Variants in SNX29 observed in about 807,000 individuals in gnomAD.
The protein encoded by SNX29 is sorting nexin-29.
A neutral mutation model predicts 102.1 loss-of-function variants in SNX29; 78 were observed. The ratio of observed to expected loss-of-function variants is 0.76; its 90% confidence interval spans 0.64 to 0.92. The LOEUF (loss-of-function observed/expected upper bound fraction) is 0.92. Ranked by LOEUF, SNX29 falls within the 40% of genes least tolerant of loss-of-function variation. SNX29 has a pLI of 0.00. For synonymous variants in SNX29, 580 were observed against 414.5 expected (o/e 1.40, Z -4.85); for missense variants, 1,280 against 1,061.7 (o/e 1.21, Z -2.86).
intron 11 of SNX29, among the ~76,000 whole-genome samples, chr16:12,118,319 T>TTTTTTTG (rs2053824931): frequency 7.5e-6 from 1 of 133,658 alleles, no homozygotes; most frequent in Non-Finnish European, 1.6e-5. Context: ...CCACCTTTTT[T>TTTTTTTG]TTTTTTTTTT....
chr16:12,554,815 C>T (rs144188162), intron 20 of SNX29, among the ~76,000 whole-genome samples: 11 of 152,292 alleles, frequency 7.2e-5, no homozygotes, highest in African/African-American at 2.4e-4. Context: ...TTGTATTGAG[C>T]ACCTGCTCTG....
At chr16:12,006,534 A>G (rs534973951) in intron 3 of SNX29, among the ~76,000 whole-genome samples, 1 of 151,212 alleles carries the variant, frequency 6.6e-6, no homozygotes, top group East Asian at 1.9e-4. Flanking sequence ...AAAAAAAAAA[A>G]GCAATAATAA....
intron 18 of SNX29, among the ~76,000 whole-genome samples, chr16:12,460,217 G>T (rs1023853628): frequency 4.6e-5 from 7 of 152,344 alleles, no homozygotes; most frequent in African/African-American, 1.7e-4. Context: ...CTCGCAGCCA[G>T]ACGCAGCCGA....
chr16:12,019,272 A>G (rs766205701), intron 3 of SNX29, among the ~76,000 whole-genome samples: 55 of 152,140 alleles, frequency 3.6e-4, no homozygotes, highest in Non-Finnish European at 6.5e-4. Flanking sequence ...CAGTGGCACT[A>G]TCTCGGCTCA....
At chr16:12,282,646 A>G (rs939604243) in intron 15 of SNX29, among the ~76,000 whole-genome samples, 3 of 152,146 alleles carry the variant, frequency 2.0e-5, no homozygotes, top group African/African-American at 4.8e-5. Flanking sequence ...AGGCATCACA[A>G]TTAAGTATTT....
intron 18 of SNX29, among the ~76,000 whole-genome samples, chr16:12,440,574 C>A (rs1173144816): frequency 6.6e-6 from 1 of 152,124 alleles, no homozygotes; most frequent in Non-Finnish European, 1.5e-5. Flanking sequence ...AGTTATTTTT[C>A]CTGATCCTCT....
rs533382136 is a variant in SNX29, at chr16:12,554,713, C to G, written c.2319-13793C>G. ...CATCCCTGCCCATGCCTGGTGACAG[C>G]TGTCTTTCAGTCTTTCAGTTTGCAT... On this transcript the variant is annotated intron_variant, in intron 20 of 20. Coordinates refer to ENST00000566228, the MANE Select transcript of SNX29 (RefSeq NM_032167.5). Among the ~76,000 whole-genome samples, 93 of 152,300 alleles carry G rather than the reference C, an allele frequency of 6.1e-4. 1 individual carries two copies. The highest frequency in any genetic ancestry group is 2.1e-3 in the African/African-American group (88 of 41,560).
chr16:12,495,537 C>G (rs1461873234), intron 19 of SNX29, among the ~76,000 whole-genome samples: 1 of 152,182 alleles, frequency 6.6e-6, no homozygotes, highest in Non-Finnish European at 1.5e-5. Flanking sequence ...TTCTTTGCCC[C>G]TTATTTTTTT....
chr16:12,113,594 A>G (rs983921554), intron 11 of SNX29, among the ~76,000 whole-genome samples: 1 of 152,218 alleles, frequency 6.6e-6, no homozygotes, highest in Admixed American at 6.5e-5. Context: ...AGGGGAAGGA[A>G]GCTGTGCAGC....
intron 16 of SNX29, among the ~76,000 whole-genome samples, chr16:12,361,684 AT>A (rs996257852): frequency 6.6e-6 from 1 of 152,044 alleles, no homozygotes; most frequent in East Asian, 1.9e-4. Context: ...TTTTAAATTT[AT>A]TTTTTTCTTA....
intron 20 of SNX29, chr16:12,526,412 T>G (rs758709710): frequency 2.5e-5 from 10 of 392,368 alleles, no homozygotes; most frequent in Admixed American, 7.3e-5. Context: ...TGCTTAGATT[T>G]TCTAATTGTT....
chr16:12,435,546 A>T (rs12598586), intron 18 of SNX29, among the ~76,000 whole-genome samples: 2 of 152,248 alleles, frequency 1.3e-5, no homozygotes, highest in African/African-American at 4.8e-5. Context: ...CCTTCTAGAC[A>T]TCTCTTGGGA....
chr16:12,227,702 C>T (rs1171653978), intron 14 of SNX29, among the ~76,000 whole-genome samples: 1 of 151,968 alleles, frequency 6.6e-6, no homozygotes, highest in East Asian at 1.9e-4. Flanking sequence ...GAGTTCAAGA[C>T]CATCTTAGCC....
At chr16:12,379,154 T>C (rs115522759) in intron 16 of SNX29, among the ~76,000 whole-genome samples, 4,228 of 152,284 alleles carry the variant, frequency 0.028, 198 homozygotes, top group African/African-American at 0.096. Context: ...AATGAACTTA[T>C]TTATTTTTGA....
chr16:12,369,375 A>G (rs1597107189), intron 16 of SNX29, among the ~76,000 whole-genome samples: 2 of 152,180 alleles, frequency 1.3e-5, no homozygotes, highest in South Asian at 2.1e-4. Context: ...GCCTCAAGTG[A>G]TCGACCCACC....
chr16:12,527,397 AC>A (rs2076815714), intron 20 of SNX29: 1 of 485,110 alleles, frequency 2.1e-6, no homozygotes, highest in African/African-American at 1.9e-5. Flanking sequence ...AAGGAAATAA[AC>A]CCCCAAAGCA....
intron 20 of SNX29, among the ~76,000 whole-genome samples, chr16:12,530,359 A>G (rs1359696623): frequency 2.0e-5 from 3 of 152,154 alleles, no homozygotes; most frequent in Non-Finnish European, 2.9e-5. Flanking sequence ...TTTTAGGGAA[A>G]GTGATGAAGT....
At chr16:12,381,305 C>T (rs2151429439) in intron 16 of SNX29, among the ~76,000 whole-genome samples, 1 of 94,172 alleles carries the variant, frequency 1.1e-5, no homozygotes. Context: ...CACCCATTAT[C>T]CATCTACCCA....
At position 12,305,631 on chromosome 16, in the gene SNX29, T is replaced by G. The variant is rs140922412; in HGVS notation, c.1782+27595T>G. Among the ~76,000 whole-genome samples, 38 of 152,372 alleles carry G rather than the reference T, an allele frequency of 2.5e-4. 1 individual carries two copies. In the East Asian group the frequency reaches 7.1e-3, roughly 29 times the overall value. On this transcript the variant is annotated intron_variant, in intron 15 of 20. Transcript: ENST00000566228. ...CATTAATTTTGATATTTCAAAACAT[T>G]GCATGGAAATATTATTTATCATGAT... is the stretch of plus-strand genomic sequence containing the variant.
Sources: allele counts gnomAD v4.1 joint callset (sites outside exome capture counted in the v4.1 genomes callset), GRCh38; gene constraint gnomAD v4.1.1; transcripts MANE v1.5; gene names NCBI Gene and HGNC (gene_info 2026-07-23, HGNC 2026-07-21).